TTF2: variants seen among roughly 807,000 people sequenced by gnomAD.
TTF2 encodes RNA polymerase II termination factor.
Under a neutral mutation model 142.4 loss-of-function variants are expected in TTF2, and 108 were observed. That is an observed-to-expected ratio of 0.76 (90% CI 0.65 to 0.89). TTF2 has a LOEUF of 0.89. Ranked by LOEUF, TTF2 falls within the 40% of genes least tolerant of loss-of-function variation. The pLI is 0.00. For missense variants in TTF2, 1,327 were observed against 1,379.8 expected (o/e 0.96, Z 0.61); for synonymous variants, 483 against 506.2 (o/e 0.95, Z 0.61).
Position 117,098,842 on chromosome 1 carries a change from A to C in TTF2, c.3279A>C (p.Ser1093=), listed in dbSNP as rs1044792106. ...LFLLDMHWNP[S]LEDQACDRIY... ...AGCTGTCTTCTAACAGGAATCCATC[A>C]CTTGAAGATCAAGCTTGTGACCGAA... Residue 1093 remains serine (S), a synonymous_variant, in exon 22 of 23, where the codon TCA becomes TCC. Transcript: ENST00000369466. 2 of 1,611,336 alleles carry C rather than the reference A, an allele frequency of 1.2e-6. No homozygotes were observed. Among genetic ancestry groups the C allele is most frequent in the Admixed American group, 1.7e-5 (1 of 59,664 alleles).
rs754570436 is a variant in TTF2, at chr1:117,073,644, G to C, written c.219-17G>C. On this transcript the variant is annotated splice_polypyrimidine_tract_variant and intron_variant, in intron 3 of 22. Transcript: ENST00000369466. The surrounding 1 kb of genome is among the most constrained non-coding windows in gnomAD (Gnocchi z 4.4). ...GATTTTCATAGCCTTGATTATTTGT[G>C]TTTTATACTTCATTAGATTGTTCTT... 6 of 1,597,884 alleles carry C rather than the reference G, an allele frequency of 3.8e-6. No homozygotes were observed. In the Admixed American group the frequency reaches 6.7e-5, roughly 18 times the overall value.
rs192994215 is a variant in TTF2 at position 117,075,919 on chromosome 1, T to A, written c.1275+60T>A. 23 of 1,534,324 alleles carry A rather than the reference T, an allele frequency of 1.5e-5. No individual in the cohort carries two copies. Among genetic ancestry groups the A allele is most frequent in the Non-Finnish European group, 1.9e-5 (22 of 1,147,946 alleles). On this transcript the variant is annotated intron_variant, in intron 5 of 22. Transcript: ENST00000369466. The surrounding 1 kb of genome is among the most constrained non-coding windows in gnomAD (Gnocchi z 4.5). ...GAGCATTGCTTGTTATGGGCAGATA[T>A]GAGATCTCATTGCTACAGAAGGGTT...
Position 117,096,225 on chromosome 1 carries a change from A to G in TTF2, c.3112A>G (p.Thr1038Ala), listed in dbSNP as rs1557831667. ...HLKKHGLTYA[T>A]IDGSVNPKQR... ...GAAGAAGCATGGACTGACTTATGCCACCATCGATGGCTCTGTCAATCCCAA... is the reference window on the plus strand; with the variant it reads ...GAAGAAGCATGGACTGACTTATGCCGCCATCGATGGCTCTGTCAATCCCAA... Residue 1038 changes from threonine (T) to alanine (A), a missense_variant, in exon 20 of 23, where the codon ACC becomes GCC. Thr to Ala is a moderately conservative substitution (Grantham distance 58). Coordinates refer to ENST00000369466, the MANE Select transcript of TTF2 (RefSeq NM_003594.4). The G allele has an allele frequency of 1.9e-6, 3 of 1,613,986 alleles. No individual in the cohort carries two copies. The highest frequency in any genetic ancestry group is 2.5e-6 in the Non-Finnish European group (3 of 1,180,016).
Position 117,090,740 on chromosome 1 carries a change from T to C in TTF2, c.2588+117T>C. ...TATGGCATTATTGATTAGTTGGATG[T>C]CTGTATTCCCTTTTTTTTTTTACCC... On this transcript the variant is annotated intron_variant, in intron 15 of 22. Coordinates refer to ENST00000369466, the MANE Select transcript of TTF2 (RefSeq NM_003594.4). This position sits in a 1 kb window ranked among gnomAD's most constrained non-coding sequence, Gnocchi z 4.8. 1.2e-6 allele frequency: 1 copy of C among 826,056 alleles called. No individual in the cohort carries two copies. Among genetic ancestry groups the C allele is most frequent in the Non-Finnish European group, 1.9e-6 (1 of 525,174 alleles). 51.2% of individuals were successfully genotyped at this position (826,056 alleles called of 1,614,324 possible).
chr1:117,087,217 A>ATAACCAACTCTG lies in TTF2; in HGVS notation c.2160+695_2160+696insTAACCAACTCTG, dbSNP rs1337878040. Among the ~76,000 whole-genome samples the ATAACCAACTCTG allele has an allele frequency of 6.6e-6, 1 of 152,236 alleles. No individual in the cohort carries two copies. The highest frequency in any genetic ancestry group is 1.5e-5 in the Non-Finnish European group (1 of 68,048). On this transcript the variant is annotated intron_variant, in intron 12 of 22. Transcript: ENST00000369466. This position sits in a 1 kb window ranked among gnomAD's most constrained non-coding sequence, Gnocchi z 4.8. The stretch of plus-strand genomic sequence containing the variant: ...AACCAACTCTGACTTATAGATGATG[A>ATAACCAACTCTG]ACTTTTCAGATTGCTCACTGGTTTT...
chr1:117,095,467 C>A, intron 19 of TTF2, 100 bp downstream of exon 19: 1 of 1,106,338 alleles, frequency 9.0e-7, no homozygotes, highest in Non-Finnish European at 1.4e-6. Flanking sequence ...TCATGCTCAG[C>A]AGAAAGCACT....
At chr1:117,074,669 T>C (rs1412912146) in intron 4 of TTF2, among the ~76,000 whole-genome samples, 1 of 151,656 alleles carries the variant, frequency 6.6e-6, no homozygotes, top group Non-Finnish European at 1.5e-5. Context: ...TACTGTGAAC[T>C]ACTGGAGAGG....
chr1:117,094,153 T>C (rs1370439822), intron 18 of TTF2, among the ~76,000 whole-genome samples: 1 of 152,202 alleles, frequency 6.6e-6, no homozygotes, highest in Non-Finnish European at 1.5e-5. Context: ...TTGTTAAGAT[T>C]GGAAAGCAGC....
chr1:117,062,801 A>G (rs919804637), intron 3 of TTF2, among the ~76,000 whole-genome samples: 1 of 152,222 alleles, frequency 6.6e-6, no homozygotes, highest in African/African-American at 2.4e-5. Context: ...AGAACAAGGT[A>G]GTGAGTAAAA....
In TTF2 at chr1:117,090,157, C is replaced by G; in HGVS notation, c.2445C>G (p.Ser815Arg). The G allele has an allele frequency of 6.2e-7, 1 of 1,614,150 alleles. No individual in the cohort carries two copies. The highest frequency in any genetic ancestry group is 8.5e-7 in the Non-Finnish European group (1 of 1,180,008). Residue 815 changes from serine to arginine, a missense_variant, in exon 14 of 23, where the codon AGC becomes AGG. Physicochemically the swap from Ser to Arg is moderately radical, Grantham distance 110. Coordinates refer to ENST00000369466, the MANE Select transcript of TTF2 (RefSeq NM_003594.4). The surrounding 1 kb of genome is among the most constrained non-coding windows in gnomAD (Gnocchi z 4.8). ...AACGGTTAAGTATTTTAACCAAGAGCCTTTTGCTGAGGAGAACAAAAGACC... is the reference window on the plus strand; with the variant it reads ...AACGGTTAAGTATTTTAACCAAGAGGCTTTTGCTGAGGAGAACAAAAGACC... ...GGERLSILTK[S>R]LLLRRTKDQL...
At chr1:117,069,644 C>T (rs1054080219) in intron 3 of TTF2, among the ~76,000 whole-genome samples, 1 of 152,224 alleles carries the variant, frequency 6.6e-6, no homozygotes, top group South Asian at 2.1e-4. Context: ...GAACAGGAAA[C>T]TGCCACAGGG....
intron 13 of TTF2, 30 bp downstream of exon 13, chr1:117,089,012 T>C (rs1423251463): frequency 1.3e-6 from 2 of 1,575,170 alleles, no homozygotes; most frequent in Admixed American, 1.8e-5. Flanking sequence ...TGTGTAAATA[T>C]GAACCCTGTC....
Position 117,076,668 on chromosome 1 carries a change from T to C in TTF2, c.1418T>C (p.Val473Ala). 6.2e-7 allele frequency: 1 copy of C among 1,613,052 alleles called. No individual in the cohort carries two copies. The highest frequency in any genetic ancestry group is 1.3e-5 in the African/African-American group (1 of 75,044). ...QGTNEKSNSQ[V>A]PQQSHFTKTT... ...ACTAATGAGAAGAGTAACAGTCAAGTACCACAGCAGAGTCACTTCACCAAA... is the reference window on the plus strand; with the variant it reads ...ACTAATGAGAAGAGTAACAGTCAAGCACCACAGCAGAGTCACTTCACCAAA... The change falls in exon 7 of 23, where the codon GTA becomes GCA. Residue 473 changes from valine (V) to alanine (A), a missense_variant. Val to Ala is a moderately conservative substitution (Grantham distance 64). Transcript: ENST00000369466. The surrounding 1 kb of genome is among the most constrained non-coding windows in gnomAD (Gnocchi z 4.6).
At position 117,093,161 on chromosome 1, in the gene TTF2, A is replaced by G. The variant is rs1220885973; in HGVS notation, c.2976+260A>G. Among the ~76,000 whole-genome samples, 2 of 152,158 alleles carry G rather than the reference A, an allele frequency of 1.3e-5. No homozygotes were observed. The highest frequency in any genetic ancestry group is 1.9e-4 in the East Asian group (1 of 5,190). ...ATTGCACTGAAGTGGGTTTTCTGTCATGGGTCACTGGGGAGCTTGCCAGGT... is the reference window on the plus strand; with the variant it reads ...ATTGCACTGAAGTGGGTTTTCTGTCGTGGGTCACTGGGGAGCTTGCCAGGT... On this transcript the variant is annotated intron_variant, in intron 18 of 22. Transcript: ENST00000369466. This position sits in a 1 kb window ranked among gnomAD's most constrained non-coding sequence, Gnocchi z 4.5.
At position 117,085,505 on chromosome 1, in the gene TTF2, A is replaced by T. The variant is rs1049890705; in HGVS notation, c.2055-912A>T. On this transcript the variant is annotated intron_variant, in intron 11 of 22. Transcript: ENST00000369466. The surrounding 1 kb of genome is among the most constrained non-coding windows in gnomAD (Gnocchi z 4.7). ...AAGGTGGAGGTTGCAGTGAGCCAAGATCACACCCCTACACTCCAGTCTGGA... is the reference window on the plus strand; with the variant it reads ...AAGGTGGAGGTTGCAGTGAGCCAAGTTCACACCCCTACACTCCAGTCTGGA... 2.0e-5 allele frequency among the ~76,000 whole-genome samples: 3 copies of T among 152,110 alleles called. No homozygotes were observed. The highest frequency in any genetic ancestry group is 4.4e-5 in the Non-Finnish European group (3 of 68,002).
chr1:117,079,464 G>A lies in TTF2; in HGVS notation c.1702-104G>A. 3 of 1,040,734 alleles carry A rather than the reference G, an allele frequency of 2.9e-6. No homozygotes were observed. The highest frequency in any genetic ancestry group is 4.4e-6 in the Non-Finnish European group (3 of 676,326). 64.5% of individuals were successfully genotyped at this position (1,040,734 alleles called of 1,614,324 possible). On this transcript the variant is annotated intron_variant, in intron 8 of 22. Transcript: ENST00000369466. This position sits in a 1 kb window ranked among gnomAD's most constrained non-coding sequence, Gnocchi z 4.2. Reference sequence around the variant, plus strand: ...ATGAACTGTCTACAGAATACTGAGGGAATCATTTGTAGAAAATAGGAGAGT... The same window carrying A: ...ATGAACTGTCTACAGAATACTGAGGAAATCATTTGTAGAAAATAGGAGAGT...
Position 117,090,718 on chromosome 1 carries a change from G to T in TTF2, c.2588+95G>T. On this transcript the variant is annotated intron_variant, in intron 15 of 22. Coordinates refer to ENST00000369466, the MANE Select transcript of TTF2 (RefSeq NM_003594.4). This position sits in a 1 kb window ranked among gnomAD's most constrained non-coding sequence, Gnocchi z 4.8. ...AAGGTCAAATTTCCACAAACTTTAT[G>T]GCATTATTGATTAGTTGGATGTCTG... 9.6e-7 allele frequency: 1 copy of T among 1,039,312 alleles called. No homozygotes were observed. The highest frequency in any genetic ancestry group is 1.5e-5 in the South Asian group (1 of 68,488). 64.4% of individuals were successfully genotyped at this position (1,039,312 alleles called of 1,614,324 possible).
intron 3 of TTF2, among the ~76,000 whole-genome samples, chr1:117,071,816 A>T (rs191404985): frequency 6.6e-6 from 1 of 152,170 alleles, no homozygotes; most frequent in Admixed American, 6.5e-5. Flanking sequence ...ATACCTGGAC[A>T]GTCAGCTATA....
Position 117,088,909 on chromosome 1 carries a change from C to G in TTF2, c.2269C>G (p.Gln757Glu). ...GACTTCCATAGCTGTGTGTAAGCTA[C>G]AAGCCTGTGCCCGTTGGGCTGTCAC... is the stretch of plus-strand genomic sequence containing the variant. ...VQTSIAVCKLQACARWAVTGT... is the reference protein window; with the variant it reads ...VQTSIAVCKLEACARWAVTGT... Residue 757 changes from glutamine to glutamate, a missense_variant, in exon 13 of 23, where the codon CAA becomes GAA. Coordinates refer to ENST00000369466, the MANE Select transcript of TTF2 (RefSeq NM_003594.4). The G allele has an allele frequency of 6.2e-7, 1 of 1,614,042 alleles. No homozygotes were observed. Among genetic ancestry groups the G allele is most frequent in the Non-Finnish European group, 8.5e-7 (1 of 1,179,978 alleles).
Sources: allele counts gnomAD v4.1 joint callset (sites outside exome capture counted in the v4.1 genomes callset), GRCh38; gene constraint gnomAD v4.1.1; non-coding constraint Gnocchi (gnomAD v3.1); transcripts MANE v1.5; gene names NCBI Gene and HGNC (gene_info 2026-07-23, HGNC 2026-07-21).